The following ITGB6 variants were observed in gnomAD, a reference collection of about 807,000 sequenced individuals.
ITGB6 encodes the protein integrin beta-6.
Under a neutral mutation model 84.5 loss-of-function variants are expected in ITGB6, and 80 were observed. That is an observed-to-expected ratio of 0.95 (90% CI 0.79 to 1.14). ITGB6 has a LOEUF of 1.14. Ranked by LOEUF, ITGB6 falls within the 50% of genes most tolerant of loss-of-function variation. The pLI, the probability that ITGB6 is intolerant of heterozygous loss-of-function variation, is 0.00. For synonymous variants in ITGB6, 383 were observed against 354.9 expected, an observed-to-expected ratio of 1.08 and a Z score of -0.89; for missense variants, 1,006 against 968.0, an observed-to-expected ratio of 1.04 and a Z score of -0.52.
In ITGB6 at chr2:160,196,219, G is replaced by C; in HGVS notation, c.343C>G (p.Pro115Ala). ...CATGAGCCAAATCCTAACATACCTG[G>C]TCTCAACTTAAGGATCAAGCTTTGA... ...APQSLILKLRPGGAQTLQVHV... is the reference protein window; with the variant it reads ...APQSLILKLRAGGAQTLQVHV... The change falls in exon 3 of 15, where the codon CCA (proline) becomes GCA (alanine). Residue 115 changes from proline to alanine, a missense_variant. By Grantham distance (27) the Pro-to-Ala change is conservative. Coordinates refer to ENST00000283249, the MANE Select transcript of ITGB6 (RefSeq NM_000888.5). 6.2e-7 allele frequency: 1 copy of C among 1,613,396 alleles called. No individual in the cohort carries two copies. The highest frequency in any genetic ancestry group is 8.5e-7 in the Non-Finnish European group (1 of 1,179,446).
chr2:160,142,085 AAG>A lies in ITGB6; in HGVS notation c.1018-16_1018-15del, dbSNP rs779372511. On this transcript the variant is annotated splice_polypyrimidine_tract_variant and intron_variant, in intron 7 of 14. Transcript: ENST00000283249. ...TTTTGCGTAATTCTGTAAACAGAAA[AAG>A]AGTAAGTCAATCTTTGTTTCCTCAT... 7 of 1,518,774 alleles carry A rather than the reference AAG, an allele frequency of 4.6e-6. No homozygotes were observed. The highest frequency in any genetic ancestry group is 6.3e-6 in the Non-Finnish European group (7 of 1,103,530). The allele number at this position is 1,518,774 out of a possible 1,614,324, so 94.1% of individuals were successfully genotyped here.
At chr2:160,145,435 T>G (rs563153313) in intron 7 of ITGB6, among the ~76,000 whole-genome samples, 2 of 152,358 alleles carry the variant, frequency 1.3e-5, no homozygotes, top group South Asian at 4.1e-4. Context: ...TCAAGTCCTA[T>G]TTATCTCTTC....
At chr2:160,120,861 T>C (rs112273761) in intron 12 of ITGB6, among the ~76,000 whole-genome samples, 116 of 137,268 alleles carry the variant, frequency 8.5e-4, no homozygotes, top group African/African-American at 3.1e-3. Context: ...AATTGAACAA[T>C]GAGAACACAT....
intron 6 of ITGB6, among the ~76,000 whole-genome samples, chr2:160,171,337 A>AT (rs71408117): frequency 9.9e-5 from 14 of 141,332 alleles, no homozygotes; most frequent in Admixed American, 2.2e-4. Context: ...TTATTTTTTT[A>AT]TTTTTTTTTT....
intron 10 of ITGB6, among the ~76,000 whole-genome samples, chr2:160,136,601 C>T (rs1171652315): frequency 8.5e-5 from 13 of 152,308 alleles, no homozygotes; most frequent in South Asian, 2.1e-4. Flanking sequence ...CACATGCACA[C>T]GTATGTTTAT....
At chr2:160,126,797 T>C (rs1559117064) in intron 10 of ITGB6, among the ~76,000 whole-genome samples, 196 bp from the exon 11 acceptor site, 1 of 152,222 alleles carries the variant, frequency 6.6e-6, no homozygotes. Flanking sequence ...TAATTGTGCA[T>C]ACTTAGATCT....
At chr2:160,111,293 C>T (rs979989731) in intron 13 of ITGB6, among the ~76,000 whole-genome samples, 2 of 152,132 alleles carry the variant, frequency 1.3e-5, no homozygotes, top group African/African-American at 4.8e-5. Context: ...AAGTCACTGC[C>T]ACAGTCACAG....
At chr2:160,170,238 T>C (rs889412298) in intron 6 of ITGB6, among the ~76,000 whole-genome samples, 1 of 152,194 alleles carries the variant, frequency 6.6e-6, no homozygotes, top group Non-Finnish European at 1.5e-5. Flanking sequence ...AATATTCACA[T>C]ATTCTTAGTA....
chr2:160,157,748 C>CAAAAAAAAA (rs11364475), intron 7 of ITGB6, among the ~76,000 whole-genome samples: 1 of 84,144 alleles, frequency 1.2e-5, no homozygotes, highest in African/African-American at 4.7e-5. Flanking sequence ...AGCACAGAGG[C>CAAAAAAAAA]AAAAAAAAAA....
At chr2:160,134,626 C>A (rs1199912407) in intron 10 of ITGB6, among the ~76,000 whole-genome samples, 8 of 152,188 alleles carry the variant, frequency 5.3e-5, no homozygotes, top group African/African-American at 1.4e-4. Flanking sequence ...AGACGAATAT[C>A]CCTGATGAAC....
chr2:160,118,553 A>G (rs200147289), intron 12 of ITGB6, among the ~76,000 whole-genome samples: 2 of 152,100 alleles, frequency 1.3e-5, no homozygotes, highest in Admixed American at 1.3e-4. Context: ...CACACAGCCA[A>G]TATCATACTG....
rs143914557 is a variant in ITGB6, at chr2:160,126,593, C to A, written c.1669G>T (p.Asp557Tyr). 1.2e-4 allele frequency: 190 copies of A among 1,612,620 alleles called. 1 individual carries two copies. Among genetic ancestry groups the A allele is most frequent in the South Asian group, 5.9e-4 (54 of 91,006 alleles). ...HKGLLCGGNGDCDCGECVCRS... is the reference protein window; with the variant it reads ...HKGLLCGGNGYCDCGECVCRS... The stretch of plus-strand genomic sequence containing the variant: ...CACACACATTCACCACAGTCACAGT[C>A]GCCGTTACCTGTAACACAAAATGCT... The change falls in exon 11 of 15, where the codon GAC becomes TAC. Residue 557 changes from aspartate to tyrosine, a missense_variant. Asp to Tyr is a radical substitution (Grantham distance 160, BLOSUM62 -3). Transcript: ENST00000283249.
In ITGB6 at chr2:160,196,270, T is replaced by A. The variant is rs545332900; in HGVS notation, c.292A>T (p.Ser98Cys). ...GGCGCAATCTGAACAATGTCAGAAC[T>A]ATTTTTCTGTCTGCCTACACTGAGA... Reference protein sequence around the residue: ...KPLSVGRQKNSSDIVQIAPQS... With the variant: ...KPLSVGRQKNCSDIVQIAPQS... Residue 98 changes from serine to cysteine, a missense_variant, in exon 3 of 15, where the codon AGT (serine) becomes TGT (cysteine). By Grantham distance (112) the Ser-to-Cys change is moderately radical. Coordinates refer to ENST00000283249, the MANE Select transcript of ITGB6 (RefSeq NM_000888.5). 1.9e-5 allele frequency: 30 copies of A among 1,614,122 alleles called. No individual in the cohort carries two copies. The highest frequency in any genetic ancestry group is 2.0e-5 in the Non-Finnish European group (24 of 1,179,986).
chr2:160,143,665 T>C (rs1684085156), intron 7 of ITGB6, among the ~76,000 whole-genome samples: 1 of 152,210 alleles, frequency 6.6e-6, no homozygotes, highest in Admixed American at 6.5e-5. Context: ...ATTTAAGGCA[T>C]CTCATATAGT....
intron 12 of ITGB6, among the ~76,000 whole-genome samples, chr2:160,118,241 C>T (rs1326586935): frequency 1.3e-5 from 2 of 152,286 alleles, no homozygotes; most frequent in Non-Finnish European, 2.9e-5. Context: ...ATATCCTTGA[C>T]GAACATTGAT....
At chr2:160,155,375 C>A (rs543012214) in intron 7 of ITGB6, among the ~76,000 whole-genome samples, 2 of 152,214 alleles carry the variant, frequency 1.3e-5, no homozygotes, top group African/African-American at 4.8e-5. Flanking sequence ...TACGATACTA[C>A]AAAGGTGGAT....
At chr2:160,148,430 T>C (rs991619715) in intron 7 of ITGB6, among the ~76,000 whole-genome samples, 2 of 152,218 alleles carry the variant, frequency 1.3e-5, no homozygotes, top group Non-Finnish European at 2.9e-5. Flanking sequence ...ACACTTACTA[T>C]ATGATCCAGT....
intron 9 of ITGB6, 33 bp downstream of exon 9, chr2:160,138,032 T>G: frequency 6.3e-7 from 1 of 1,588,850 alleles, no homozygotes; most frequent in Non-Finnish European, 8.5e-7. Flanking sequence ...CATCCAGGTA[T>G]TTATTCAGAC....
intron 2 of ITGB6, among the ~76,000 whole-genome samples, chr2:160,198,480 T>C (rs990882723): frequency 6.6e-6 from 1 of 152,240 alleles, no homozygotes; most frequent in African/African-American, 2.4e-5. Flanking sequence ...AGACTTGTTT[T>C]AAAATTCAGA....
Sources: gnomAD v4.1 joint callset for allele counts (sites outside exome capture counted in the v4.1 genomes callset) on GRCh38, gnomAD v4.1.1 for gene constraint, MANE v1.5 for transcripts, NCBI Gene and HGNC (gene_info 2026-07-23, HGNC 2026-07-21) for gene names.